The following ASPH variants were observed in gnomAD, a reference collection of about 807,000 sequenced individuals.
The protein encoded by ASPH is aspartate beta-hydroxylase.
In ASPH, 100 loss-of-function variants were observed where a neutral mutation model predicts 118.4. That is an observed-to-expected ratio of 0.84 (90% CI 0.72 to 1.00). The LOEUF is 1.00. ASPH is among the 50% of genes least tolerant of loss of function. ASPH has a pLI of 0.00. For synonymous variants in ASPH, 315 were observed against 325.6 expected, an observed-to-expected ratio of 0.97 and a Z score of 0.35; for missense variants, 920 against 919.5, an observed-to-expected ratio of 1.00 and a Z score of -0.01.
At chr8:61,567,423 T>A in intron 16 of ASPH, 105 bp from the exon 17 acceptor site, 1 of 1,271,294 alleles carries the variant, frequency 7.9e-7, no homozygotes, top group Non-Finnish European at 1.1e-6. Context: ...TTAAAAGAAA[T>A]GTAAGACACG....
intron 16 of ASPH, among the ~76,000 whole-genome samples, chr8:61,575,555 A>C (rs777596308): frequency 1.7e-4 from 26 of 152,202 alleles, no homozygotes; most frequent in Non-Finnish European, 2.6e-4. Context: ...TGATGGCTGT[A>C]TCTCTAATGC....
intron 5 of ASPH, among the ~76,000 whole-genome samples, chr8:61,647,281 T>C (rs530021711): frequency 5.9e-5 from 9 of 152,368 alleles, no homozygotes; most frequent in African/African-American, 1.4e-4. Context: ...GGCTACTCTA[T>C]GGCCTTTTCC....
At chr8:61,638,226 T>A in intron 11 of ASPH, 96 bp downstream of exon 11, 1 of 1,462,986 alleles carries the variant, frequency 6.8e-7, no homozygotes, top group Non-Finnish European at 9.3e-7. Context: ...GTCTTGCATT[T>A]TTTCTACACT....
At chr8:61,689,452 A>T (rs1376024881) in intron 1 of ASPH, among the ~76,000 whole-genome samples, 1 of 152,188 alleles carries the variant, frequency 6.6e-6, no homozygotes, top group Admixed American at 6.5e-5. Context: ...AAGGTCATCT[A>T]AATTAAGACA....
intron 1 of ASPH, 23 bp downstream of exon 1, chr8:61,714,246 C>T: frequency 6.8e-7 from 1 of 1,477,318 alleles, no homozygotes; most frequent in South Asian, 1.3e-5. Context: ...GGCCCCAGAT[C>T]CCCGCCCCGC....
In ASPH at chr8:61,503,448, C is replaced by T. The variant is rs544944229; in HGVS notation, c.2188G>A (p.Asp730Asn). ...DDSFEHEVWQ[D>N]ASSFRLIFIV... The stretch of plus-strand genomic sequence containing the variant: ...AATATCAGCCGGAAAGATGAGGCAT[C>T]CTGCCATACCTCGTGCTCAAAGGAG... The change falls in exon 25 of 25, where the codon GAT becomes AAT. Residue 730 changes from aspartate to asparagine, a missense_variant. Transcript: ENST00000379454. 6.2e-7 allele frequency: 1 copy of T among 1,613,116 alleles called. No homozygotes were observed. Among genetic ancestry groups the T allele is most frequent in the East Asian group, 2.2e-5 (1 of 44,786 alleles).
At chr8:61,535,217 A>G (rs541975211) in intron 21 of ASPH, among the ~76,000 whole-genome samples, 2 of 152,366 alleles carry the variant, frequency 1.3e-5, no homozygotes, top group Non-Finnish European at 2.9e-5. Context: ...AGTTCAGCCC[A>G]TAACACTTAT....
At chr8:61,621,418 A>T (rs962703771) in intron 13 of ASPH, among the ~76,000 whole-genome samples, 11 of 152,150 alleles carry the variant, frequency 7.2e-5, no homozygotes, top group Non-Finnish European at 1.5e-4. Context: ...TAGCTTAGGT[A>T]AAGGAGCTTT....
At chr8:61,689,156 TAA>T (rs1267766410) in intron 1 of ASPH, among the ~76,000 whole-genome samples, 1 of 152,192 alleles carries the variant, frequency 6.6e-6, no homozygotes, top group Non-Finnish European at 1.5e-5. Flanking sequence ...ACTTCAAAGT[TAA>T]AGAGTCAATT....
At chr8:61,527,451 A>G (rs1815826193) in intron 21 of ASPH, among the ~76,000 whole-genome samples, 1 of 152,254 alleles carries the variant, frequency 6.6e-6, no homozygotes. Context: ...GCCCCAGCCA[A>G]ACAAGGGAAT....
intron 14 of ASPH, among the ~76,000 whole-genome samples, chr8:61,585,506 G>A (rs1839139779): frequency 6.6e-6 from 1 of 152,156 alleles, no homozygotes; most frequent in Admixed American, 6.5e-5. Context: ...TTCTTTCTAA[G>A]GTCCCCTCTC....
chr8:61,579,595 G>A, intron 15 of ASPH: 1 of 1,525,066 alleles, frequency 6.6e-7, no homozygotes. Context: ...AGTTCCTCCA[G>A]GGCCGTGGTT....
At chr8:61,577,841 G>T (rs1483930213) in intron 15 of ASPH, among the ~76,000 whole-genome samples, 1 of 152,150 alleles carries the variant, frequency 6.6e-6, no homozygotes, top group South Asian at 2.1e-4. Flanking sequence ...TGGGGATTAT[G>T]GGGATTACAA....
chr8:61,501,178 C>CTT lies in ASPH; in HGVS notation c.*2179_*2180dup, dbSNP rs1284441558. The CTT allele has an allele frequency of 6.6e-6, 1 of 152,056 alleles. No homozygotes were observed. The highest frequency in any genetic ancestry group is 2.4e-5 in the African/African-American group (1 of 41,426). The allele number at this position is 152,056 out of a possible 1,614,324, so 9.4% of individuals were successfully genotyped here. On this transcript the variant is annotated 3_prime_UTR_variant, in exon 25 of 25. Coordinates refer to ENST00000379454, the MANE Select transcript of ASPH (RefSeq NM_004318.4). Reference sequence around the variant, plus strand: ...TTCTACCAATGCAGTGATGGAAACACTTTTCTTATGTACCAAGACATAGAT... The same window carrying CTT: ...TTCTACCAATGCAGTGATGGAAACACTTTTTTCTTATGTACCAAGACATAGAT...
chr8:61,699,512 G>A (rs914805879), intron 1 of ASPH, among the ~76,000 whole-genome samples: 7 of 152,060 alleles, frequency 4.6e-5, no homozygotes, highest in Admixed American at 3.3e-4. Flanking sequence ...ATTATCTCAT[G>A]TCTCTTCTAA....
At chr8:61,544,493 T>C (rs1175372570) in intron 21 of ASPH, among the ~76,000 whole-genome samples, 1 of 152,186 alleles carries the variant, frequency 6.6e-6, no homozygotes, top group African/African-American at 2.4e-5. Context: ...AATGAATACC[T>C]TTGTCCCTTG....
At chr8:61,697,135 G>T (rs1263289734) in intron 1 of ASPH, among the ~76,000 whole-genome samples, 1 of 152,182 alleles carries the variant, frequency 6.6e-6, no homozygotes, top group Admixed American at 6.5e-5. Flanking sequence ...CATTAGCACA[G>T]CATACACAGA....
chr8:61,665,862 C>T (rs78909411), intron 3 of ASPH, among the ~76,000 whole-genome samples: 2,286 of 152,144 alleles, frequency 0.015, 50 homozygotes, highest in African/African-American at 0.052. Context: ...TGTCTTAAAA[C>T]ATTAACATGC....
rs185519884 is a variant in ASPH at position 61,690,730 on chromosome 8, T to A, written c.104-6542A>T. Among the ~76,000 whole-genome samples, 41 of 152,278 alleles carry A rather than the reference T, an allele frequency of 2.7e-4. No individual in the cohort carries two copies. The East Asian group carries it at 4.4e-3, about 16-fold the overall frequency. ...TCAAATTTAAAGCTTCACAAGCAAA[T>A]TAAAAATTTAAAAGCTTTGAATACT... On this transcript the variant is annotated intron_variant, in intron 1 of 24. Coordinates refer to ENST00000379454, the MANE Select transcript of ASPH (RefSeq NM_004318.4).
Sources: allele counts gnomAD v4.1 joint callset (sites outside exome capture counted in the v4.1 genomes callset), GRCh38; gene constraint gnomAD v4.1.1; transcripts MANE v1.5; gene names NCBI Gene and HGNC (gene_info 2026-07-23, HGNC 2026-07-21).